DLGAP2: variants seen among roughly 807,000 people sequenced by gnomAD.
DLGAP2 encodes the protein disks large-associated protein 2.
In DLGAP2, 26 loss-of-function variants were observed where a neutral mutation model predicts 100.3. That is an observed-to-expected ratio of 0.26 (90% CI 0.19 to 0.36). The LOEUF (loss-of-function observed/expected upper bound fraction) is 0.36, where lower values mean the gene tolerates loss of function less well. DLGAP2 is among the 10% of genes least tolerant of loss of function. DLGAP2 has a pLI of 1.00. For missense variants in DLGAP2, 1,858 were observed against 1,453.2 expected (o/e 1.28, Z -4.53); for synonymous variants, 886 against 630.1 (o/e 1.41, Z -6.08).
At chr8:1,174,436 C>T (rs1797207671) in intron 2 of DLGAP2, among the ~76,000 whole-genome samples, 1 of 151,980 alleles carries the variant, frequency 6.6e-6, no homozygotes, top group Admixed American at 6.6e-5. Flanking sequence ...TTACCACCAT[C>T]ATTGCCATCA....
chr8:1,016,290 A>G (rs1366222556), intron 2 of DLGAP2, among the ~76,000 whole-genome samples: 1 of 302 alleles, frequency 3.3e-3, no homozygotes, highest in East Asian at 3.7e-3. Context: ...AGGACAGACG[A>G]CGCCTCCACT....
At chr8:846,953 C>T (rs967365654) in intron 1 of DLGAP2, among the ~76,000 whole-genome samples, 1 of 152,158 alleles carries the variant, frequency 6.6e-6, no homozygotes, top group African/African-American at 2.4e-5. Flanking sequence ...CTTGCTTCTC[C>T]TGTTTTTCTT....
At chr8:847,246 GTT>G (rs1797088000) in intron 1 of DLGAP2, among the ~76,000 whole-genome samples, 3 of 152,148 alleles carry the variant, frequency 2.0e-5, no homozygotes, top group South Asian at 4.1e-4. Flanking sequence ...TATTATCTTA[GTT>G]TTCAGATATA....
At chr8:886,039 T>C (rs568549053) in intron 1 of DLGAP2, among the ~76,000 whole-genome samples, 6 of 152,334 alleles carry the variant, frequency 3.9e-5, no homozygotes, top group African/African-American at 1.4e-4. Context: ...CTGGGCTTTT[T>C]TTGGTTGATA....
At chr8:749,669 CT>C (rs954839388) in intron 1 of DLGAP2, among the ~76,000 whole-genome samples, 3 of 152,024 alleles carry the variant, frequency 2.0e-5, no homozygotes, top group African/African-American at 7.2e-5. Flanking sequence ...AAATGTAGAT[CT>C]TTTTTTTCTC....
chr8:875,176 G>T (rs1181179949), intron 1 of DLGAP2, among the ~76,000 whole-genome samples: 12 of 151,996 alleles, frequency 7.9e-5, no homozygotes, highest in Admixed American at 7.2e-4. Context: ...GGTAGAGTTG[G>T]ATCTTTTTTA....
intron 2 of DLGAP2, among the ~76,000 whole-genome samples, chr8:1,239,971 A>T (rs1456213525): frequency 7.4e-6 from 1 of 135,290 alleles, no homozygotes; most frequent in Non-Finnish European, 1.5e-5. Flanking sequence ...TCTCTCACAC[A>T]TAGCGTCTTG....
chr8:768,418 A>AT (rs58234397), intron 1 of DLGAP2, among the ~76,000 whole-genome samples: 20,037 of 99,962 alleles, frequency 0.2, 2,438 homozygotes, highest in South Asian at 0.23. Flanking sequence ...GAAGGCGTTG[A>AT]TTTTTTTTTT....
At chr8:1,656,410 T>C (rs1321521826) in intron 8 of DLGAP2, among the ~76,000 whole-genome samples, 1 of 152,100 alleles carries the variant, frequency 6.6e-6, no homozygotes, top group Non-Finnish European at 1.5e-5. Flanking sequence ...GTGGTAAACC[T>C]AAGAATGTAG....
At chr8:819,519 A>G (rs1796546237) in intron 1 of DLGAP2, among the ~76,000 whole-genome samples, 1 of 152,204 alleles carries the variant, frequency 6.6e-6, no homozygotes, top group Non-Finnish European at 1.5e-5. Context: ...ATATATGAGA[A>G]AAGATATTGG....
intron 8 of DLGAP2, among the ~76,000 whole-genome samples, chr8:1,665,964 C>G (rs1798534206): frequency 6.6e-6 from 1 of 152,208 alleles, no homozygotes; most frequent in Non-Finnish European, 1.5e-5. Context: ...CTTGATAAAT[C>G]AGCGCTGTGA....
At chr8:1,665,346 C>T (rs972002063) in intron 8 of DLGAP2, among the ~76,000 whole-genome samples, 1 of 152,118 alleles carries the variant, frequency 6.6e-6, no homozygotes, top group African/African-American at 2.4e-5. Context: ...TGCATTTGCT[C>T]AAATTTTCTG....
At chr8:1,341,550 A>C (rs1801418076) in intron 3 of DLGAP2, among the ~76,000 whole-genome samples, 1 of 152,242 alleles carries the variant, frequency 6.6e-6, no homozygotes, top group Admixed American at 6.5e-5. Flanking sequence ...TCTCAAAAAA[A>C]TCAGAGATGG....
At chr8:1,457,519 T>G (rs2130137837) in intron 3 of DLGAP2, among the ~76,000 whole-genome samples, 1 of 152,344 alleles carries the variant, frequency 6.6e-6, no homozygotes, top group Middle Eastern at 3.4e-3. Flanking sequence ...TGAATACTAA[T>G]AGGACAAGCT....
In DLGAP2 at chr8:1,089,311, G is replaced by C. The variant is rs552233318; in HGVS notation, c.74-169540G>C. 4.6e-5 allele frequency among the ~76,000 whole-genome samples: 7 copies of C among 152,376 alleles called. No individual in the cohort carries two copies. In the East Asian group the frequency reaches 1.4e-3, roughly 29 times the overall value. On this transcript the variant is annotated intron_variant, in intron 2 of 14. Transcript: ENST00000637795. ...TCTATTGGTCTGTATATGTCGGCCT[G>C]AGTGGCACCACAATATGAAAACAAA... is the stretch of plus-strand genomic sequence containing the variant.
At chr8:1,011,833 G>T (rs988153887) in intron 2 of DLGAP2, among the ~76,000 whole-genome samples, 2 of 148,612 alleles carry the variant, frequency 1.3e-5, no homozygotes, top group Non-Finnish European at 3.0e-5. Flanking sequence ...TGGGCCCTGG[G>T]CGAGGGTGTC....
chr8:1,241,847 A>C (rs1314953135), intron 2 of DLGAP2, among the ~76,000 whole-genome samples: 1 of 152,230 alleles, frequency 6.6e-6, no homozygotes, highest in Non-Finnish European at 1.5e-5. Flanking sequence ...AATTTTCACA[A>C]CTTGATATTG....
intron 4 of DLGAP2, among the ~76,000 whole-genome samples, chr8:1,505,865 A>T (rs533424778): frequency 2.6e-5 from 4 of 152,116 alleles, no homozygotes; most frequent in Non-Finnish European, 5.9e-5. Context: ...AGAGTTGGTG[A>T]TTTATTTGCA....
intron 2 of DLGAP2, among the ~76,000 whole-genome samples, chr8:1,087,582 C>T (rs575498245): frequency 2.7e-5 from 4 of 150,168 alleles, no homozygotes; most frequent in South Asian, 2.1e-4. Context: ...TCTCTCTGTG[C>T]CATCTTCATC....
Sources: gnomAD v4.1 joint callset for allele counts (sites outside exome capture counted in the v4.1 genomes callset) on GRCh38, gnomAD v4.1.1 for gene constraint, MANE v1.5 for transcripts, NCBI Gene and HGNC (gene_info 2026-07-23, HGNC 2026-07-21) for gene names.